HIVEP1: variants seen among roughly 807,000 people sequenced by gnomAD.
HIVEP1 encodes the protein HIVEP zinc finger 1, also known as zinc finger protein 40.
A neutral mutation model predicts 180.0 loss-of-function variants in HIVEP1; 36 were observed. That is an observed-to-expected ratio of 0.20 (90% CI 0.15 to 0.26). The LOEUF (loss-of-function observed/expected upper bound fraction) is 0.26, where lower values mean the gene tolerates loss of function less well. Among genes scored for constraint, HIVEP1 ranks in the 10% least tolerant of loss-of-function variants. The pLI, the probability that HIVEP1 is intolerant of heterozygous loss-of-function variation, is 1.00. For synonymous variants in HIVEP1, 1,239 were observed against 1,239.0 expected, an observed-to-expected ratio of 1.00 and a Z score of 0.00; for missense variants, 3,143 against 3,268.7, an observed-to-expected ratio of 0.96 and a Z score of 0.94.
chr6:12,028,747 A>G, intron 2 of HIVEP1, among the ~76,000 whole-genome samples: 1 of 152,220 alleles, frequency 6.6e-6, no homozygotes, highest in East Asian at 1.9e-4. Flanking sequence ...CACCCGTTTT[A>G]AGTGTATGAT....
At chr6:12,055,584 A>C (rs67757013) in intron 2 of HIVEP1, among the ~76,000 whole-genome samples, 10,895 of 152,326 alleles carry the variant, frequency 0.072, 467 homozygotes, top group Middle Eastern at 0.18. Flanking sequence ...CAATATGGAC[A>C]TGGTATTTAT....
chr6:12,047,255 T>C (rs140204841), intron 2 of HIVEP1, among the ~76,000 whole-genome samples: 4 of 152,344 alleles, frequency 2.6e-5, no homozygotes, highest in African/African-American at 9.6e-5. Flanking sequence ...TACAAATATG[T>C]GTAAGTCTTG....
chr6:12,139,492 T>TGG (rs1013309085), intron 7 of HIVEP1, among the ~76,000 whole-genome samples: 1 of 152,202 alleles, frequency 6.6e-6, no homozygotes, highest in Non-Finnish European at 1.5e-5. Context: ...GGTTGGACAG[T>TGG]GGGTGCAGCC....
the HIVEP1 span, among the ~76,000 whole-genome samples, chr6:12,182,883 T>G: frequency 2.0e-5 from 3 of 152,292 alleles, no homozygotes; most frequent in Admixed American, 6.5e-5. Flanking sequence ...ACTGTGTGCA[T>G]GAGTACTGCA....
chr6:12,211,360 A>T, the HIVEP1 span, among the ~76,000 whole-genome samples: 1 of 106,804 alleles, frequency 9.4e-6, no homozygotes, highest in African/African-American at 4.2e-5. Flanking sequence ...AGATCGCGCC[A>T]CTGCACTCCA....
At chr6:12,165,159 A>G (rs1381950098), downstream of HIVEP1, 1 of 512,732 alleles carries the variant, frequency 2.0e-6, no homozygotes, top group Non-Finnish European at 3.9e-6. Flanking sequence ...ACTGTAACTG[A>G]AATCCATACA....
At chr6:12,055,379 A>G (rs1770801568) in intron 2 of HIVEP1, among the ~76,000 whole-genome samples, 1 of 152,206 alleles carries the variant, frequency 6.6e-6, no homozygotes, top group African/African-American at 2.4e-5. Flanking sequence ...AGGCTGAGGC[A>G]GGAGAACCCC....
At position 12,131,865 on chromosome 6, in the gene HIVEP1, C is replaced by A. The variant is rs187801982; in HGVS notation, c.6385+923C>A. On this transcript the variant is annotated intron_variant, in intron 6 of 8. Coordinates refer to ENST00000379388, the MANE Select transcript of HIVEP1 (RefSeq NM_002114.4). ...CCTTTGAGTTAACATTTACTTTTTT[C>A]TTATGCTGGTTGTCTTTGCAGTTTT... Among the ~76,000 whole-genome samples the A allele has an allele frequency of 2.7e-3, 361 of 134,642 alleles. 1 individual carries two copies. Among genetic ancestry groups the A allele is most frequent in the African/African-American group, 9.4e-3 (345 of 36,536 alleles). The allele number at this position is 134,642 out of a possible 152,430, so 88.3% of individuals were successfully genotyped here. A position where few individuals can be genotyped will look rare whatever the true frequency, so the allele number is the denominator to read the frequency against.
intron 3 of HIVEP1, among the ~76,000 whole-genome samples, chr6:12,094,787 T>C (rs1296417376): frequency 6.6e-6 from 1 of 152,038 alleles, no homozygotes; most frequent in Non-Finnish European, 1.5e-5. Context: ...TTTAAGGTTA[T>C]GCTAGTTTGA....
Position 12,123,315 on chromosome 6 carries a change from C to G in HIVEP1, c.3520C>G (p.Leu1174Val). The G allele has an allele frequency of 6.2e-7, 1 of 1,614,134 alleles. No homozygotes were observed. The highest frequency in any genetic ancestry group is 8.5e-7 in the Non-Finnish European group (1 of 1,180,030). Residue 1174 changes from leucine (L) to valine (V), a missense_variant, in exon 4 of 9, where the codon CTA (leucine) becomes GTA (valine). Physicochemically the swap from Leu to Val is conservative, Grantham distance 32 (BLOSUM62 1). Transcript: ENST00000379388. ...GAATAGAACGGGGAAGTCCGGGTCTCTAAAAGTGATAGGAATCTCCCAAGA... is the reference window on the plus strand; with the variant it reads ...GAATAGAACGGGGAAGTCCGGGTCTGTAAAAGTGATAGGAATCTCCCAAGA... ...ELNRTGKSGS[L>V]KVIGISQEES...
chr6:12,080,630 TTAAAG>T (rs1772725515), intron 2 of HIVEP1, among the ~76,000 whole-genome samples: 1 of 152,184 alleles, frequency 6.6e-6, no homozygotes. Flanking sequence ...ATCTATGATC[TTAAAG>T]TACAGTGGAC....
In HIVEP1 at chr6:12,125,212, A is replaced by G; in HGVS notation, c.5417A>G (p.Glu1806Gly). ...TTAGTGAGACAGGTTTGTACTACAG[A>G]GCCCCTGGACGGTGTGATGTTGGAA... ...PILVRQVCTT[E>G]PLDGVMLEKD... Residue 1806 changes from glutamate to glycine, a missense_variant, in exon 4 of 9, where the codon GAG becomes GGG. By Grantham distance (98) the Glu-to-Gly change is moderately conservative. Around this residue, in one of 12 missense-constraint regions of HIVEP1, gnomAD observed 1,357 missense variants for 1,260.5 expected, o/e 1.08. Coordinates refer to ENST00000379388, the MANE Select transcript of HIVEP1 (RefSeq NM_002114.4). 6.2e-7 allele frequency: 1 copy of G among 1,614,194 alleles called. No homozygotes were observed. The highest frequency in any genetic ancestry group is 8.5e-7 in the Non-Finnish European group (1 of 1,180,040).
chr6:12,098,136 C>T (rs543507484), intron 3 of HIVEP1, among the ~76,000 whole-genome samples: 1 of 152,292 alleles, frequency 6.6e-6, no homozygotes, highest in Non-Finnish European at 1.5e-5. Flanking sequence ...AGTTATGACA[C>T]AGTGCTCTTA....
At chr6:12,069,533 G>A (rs1771824145) in intron 2 of HIVEP1, among the ~76,000 whole-genome samples, 1 of 141,844 alleles carries the variant, frequency 7.1e-6, no homozygotes, top group African/African-American at 2.6e-5. Flanking sequence ...GAGAACATAT[G>A]GACACAGGAA....
At chr6:12,060,266 C>T (rs1233699063) in intron 2 of HIVEP1, among the ~76,000 whole-genome samples, 1 of 152,166 alleles carries the variant, frequency 6.6e-6, no homozygotes, top group Non-Finnish European at 1.5e-5. Context: ...TTTACATCTG[C>T]TTTCCAATCT....
Position 12,121,947 on chromosome 6 carries a change from A to T in HIVEP1, c.2152A>T (p.Thr718Ser), listed in dbSNP as rs762452821. 1.2e-6 allele frequency: 2 copies of T among 1,614,168 alleles called. No homozygotes were observed. The highest frequency in any genetic ancestry group is 8.5e-7 in the Non-Finnish European group (1 of 1,180,018). Residue 718 changes from threonine to serine, a missense_variant, in exon 4 of 9, where the codon ACA (threonine) becomes TCA (serine). Thr to Ser is a moderately conservative substitution (Grantham distance 58, BLOSUM62 1). Transcript: ENST00000379388. The surrounding 1 kb of genome is among the most constrained non-coding windows in gnomAD (Gnocchi z 5.3). ...CTCTGCAGCTCTTGTCACCACGTCA[A>T]CACCCTCTGCTTTGCCCACAGGGGA... is the stretch of plus-strand genomic sequence containing the variant. ...GPSAALVTTS[T>S]PSALPTGEKA...
At chr6:12,096,030 C>T (rs751630677) in intron 3 of HIVEP1, among the ~76,000 whole-genome samples, 1 of 151,810 alleles carries the variant, frequency 6.6e-6, no homozygotes, top group Non-Finnish European at 1.5e-5. Flanking sequence ...GACTTTAGGT[C>T]AGCTTGCATT....
At chr6:12,084,717 C>CT (rs999984549) in intron 2 of HIVEP1, among the ~76,000 whole-genome samples, 2 of 151,936 alleles carry the variant, frequency 1.3e-5, no homozygotes, top group African/African-American at 4.8e-5. Flanking sequence ...ACAGAGGTGC[C>CT]TTTTACAGTT....
At chr6:12,091,114 C>G (rs965587867) in intron 3 of HIVEP1, among the ~76,000 whole-genome samples, 1 of 152,078 alleles carries the variant, frequency 6.6e-6, no homozygotes, top group African/African-American at 2.4e-5. Flanking sequence ...ATCAGTTTCT[C>G]TTTAACAACA....
Sources: gnomAD v4.1 joint callset for allele counts (sites outside exome capture counted in the v4.1 genomes callset) on GRCh38, gnomAD v4.1.1 for gene constraint, gnomAD v4.1.1 regional missense constraint, Gnocchi (gnomAD v3.1) non-coding constraint, MANE v1.5 for transcripts, NCBI Gene and HGNC (gene_info 2026-07-23, HGNC 2026-07-21) for gene names.